WDFY3: variants seen among roughly 807,000 people sequenced by gnomAD.
WDFY3 encodes WD repeat and FYVE domain containing 3.
In WDFY3, 66 loss-of-function variants were observed where a neutral mutation model predicts 409.6. That is an observed-to-expected ratio of 0.16 (90% CI 0.13 to 0.20). WDFY3 has a LOEUF of 0.20. Ranked by LOEUF, WDFY3 falls within the 10% of genes least tolerant of loss-of-function variation. WDFY3 has a pLI of 1.00. For synonymous variants in WDFY3, 1,521 were observed against 1,537.1 expected (o/e 0.99, Z 0.25); for missense variants, 3,031 against 4,298.1 (o/e 0.71, Z 8.24).
intron 64 of WDFY3, among the ~76,000 whole-genome samples, chr4:84,681,153 C>T (rs1727282200): frequency 6.6e-6 from 1 of 152,170 alleles, no homozygotes; most frequent in Admixed American, 6.5e-5. Context: ...ACCACTTCTA[C>T]ATTGTTCAAT....
intron 4 of WDFY3, among the ~76,000 whole-genome samples, chr4:84,854,336 G>A (rs1230170634): frequency 6.6e-6 from 1 of 152,152 alleles, no homozygotes; most frequent in Non-Finnish European, 1.5e-5. Context: ...AGGTTGGAGG[G>A]ATAGAGGAAC....
At chr4:84,956,833 C>A (rs1774295234) in intron 1 of WDFY3, among the ~76,000 whole-genome samples, 1 of 152,058 alleles carries the variant, frequency 6.6e-6, no homozygotes, top group Non-Finnish European at 1.5e-5. Context: ...ACCTCCAAGC[C>A]TTGAGCTTGC....
chr4:84,827,112 C>A, intron 9 of WDFY3, 131 bp from the exon 10 acceptor site: 3 of 879,982 alleles, frequency 3.4e-6, no homozygotes, highest in South Asian at 2.2e-5. Flanking sequence ...TGAAAGAACA[C>A]TGGGGTCATT....
At chr4:84,860,380 C>A in intron 4 of WDFY3, 32 bp downstream of exon 4, 1 of 1,590,726 alleles carries the variant, frequency 6.3e-7, no homozygotes, top group South Asian at 1.1e-5. Context: ...CCCCCAGTCC[C>A]GGAAGGTGTG....
chr4:84,798,167 C>T, intron 17 of WDFY3, 59 bp from the exon 18 acceptor site: 1 of 1,367,538 alleles, frequency 7.3e-7, no homozygotes, highest in Non-Finnish European at 1.0e-6. Context: ...AATTCATTAA[C>T]CAAATATTCA....
At chr4:84,908,119 A>G (rs185648452) in intron 2 of WDFY3, among the ~76,000 whole-genome samples, 53 of 152,316 alleles carry the variant, frequency 3.5e-4, no homozygotes, top group African/African-American at 1.3e-3. Context: ...GGAGACACTG[A>G]GAATTTCAAT....
rs752749403 is a variant in WDFY3 at position 84,696,120 on chromosome 4, A to G, written c.8751T>C (p.Tyr2917=). ...CTACTGCAGCAGGGCCTTGCTGTTT[A>G]TAACCGAAGATTAAGTCAATCCACT... is the stretch of plus-strand genomic sequence containing the variant. ...LHEWIDLIFG[Y]KQQGPAAVEA... The change falls in exon 58 of 68, where the codon TAT becomes TAC. Residue 2917 remains tyrosine (Y), a synonymous_variant. Coordinates refer to ENST00000295888, the MANE Select transcript of WDFY3 (RefSeq NM_014991.6). The G allele has an allele frequency of 6.2e-7, 1 of 1,614,154 alleles. No homozygotes were observed. Among genetic ancestry groups the G allele is most frequent in the South Asian group, 1.1e-5 (1 of 91,084 alleles).
intron 55 of WDFY3, among the ~76,000 whole-genome samples, chr4:84,703,657 G>A (rs1001806780): frequency 6.6e-6 from 1 of 152,158 alleles, no homozygotes; most frequent in African/African-American, 2.4e-5. Context: ...ATCTCCAGAT[G>A]TCTGCAGAAG....
intron 6 of WDFY3, among the ~76,000 whole-genome samples, chr4:84,839,724 G>A (rs1757069568): frequency 6.6e-6 from 1 of 152,054 alleles, no homozygotes; most frequent in Non-Finnish European, 1.5e-5. Context: ...TGGGTGTGGT[G>A]GCGCGCGCCT....
At position 84,831,185 on chromosome 4, in the gene WDFY3, CAAAAAAAA is replaced by C. The variant is rs56810528; in HGVS notation, c.769+220_769+227del. 3.9e-5 allele frequency among the ~76,000 whole-genome samples: 4 copies of C among 103,322 alleles called. No individual in the cohort carries two copies. The South Asian group carries it at 8.9e-4, about 23-fold the overall frequency. The allele number at this position is 103,322 out of a possible 152,430, so 67.8% of individuals were successfully genotyped here. On this transcript the variant is annotated intron_variant, in intron 8 of 67. Coordinates refer to ENST00000295888, the MANE Select transcript of WDFY3 (RefSeq NM_014991.6). ...CTGGGCGACAGAGTGAGACTCCATC[CAAAAAAAA>C]AAAAAAAAAGAAATATCTATTGTTC...
intron 25 of WDFY3, 76 bp downstream of exon 25, chr4:84,782,887 C>A (rs974977605): frequency 2.3e-6 from 3 of 1,309,442 alleles, no homozygotes. Context: ...TAAATACTGC[C>A]CCTTAAGTGA....
At chr4:84,796,432 A>G (rs1328797440) in intron 19 of WDFY3, 89 bp downstream of exon 19, 1 of 737,200 alleles carries the variant, frequency 1.4e-6, no homozygotes, top group Non-Finnish European at 2.0e-6. Context: ...ATATATTTTA[A>G]TTAAGTATAT....
intron 3 of WDFY3, among the ~76,000 whole-genome samples, chr4:84,872,464 CAA>C (rs374854529): frequency 2.2e-4 from 20 of 91,246 alleles, no homozygotes; most frequent in Non-Finnish European, 2.7e-4. Context: ...GACTCTGTCT[CAA>C]AAAAAAAAAA....
chr4:84,841,978 T>G lies in WDFY3; in HGVS notation c.305-715A>C, dbSNP rs926737157. ...GAGGAATAACTTGAGTAGCTCAGAG[T>G]AGGAAGAGAGAAACGTGAAATACAT... On this transcript the variant is annotated intron_variant, in intron 5 of 67. Transcript: ENST00000295888. Among the ~76,000 whole-genome samples, 5 of 151,844 alleles carry G rather than the reference T, an allele frequency of 3.3e-5. 1 individual carries two copies. Among genetic ancestry groups the G allele is most frequent in the Admixed American group, 3.3e-4 (5 of 15,236 alleles).
At chr4:84,724,388 A>C in intron 46 of WDFY3, 38 bp downstream of exon 46, 1 of 1,566,588 alleles carries the variant, frequency 6.4e-7, no homozygotes, top group Non-Finnish European at 8.6e-7. Context: ...AGAATGTTCC[A>C]AAATCACTTT....
chr4:84,930,343 T>C (rs1230275868), intron 2 of WDFY3, among the ~76,000 whole-genome samples: 1 of 152,154 alleles, frequency 6.6e-6, no homozygotes, highest in Non-Finnish European at 1.5e-5. Flanking sequence ...ACCTCTGCAG[T>C]CATATAATCT....
At chr4:84,785,711 G>C (rs2149513665) in intron 24 of WDFY3, among the ~76,000 whole-genome samples, 1 of 152,224 alleles carries the variant, frequency 6.6e-6, no homozygotes, top group Admixed American at 6.5e-5. Flanking sequence ...GTTTTCATTA[G>C]TTTTCTAAAG....
At chr4:84,875,250 C>T (rs1762616567) in intron 3 of WDFY3, among the ~76,000 whole-genome samples, 1 of 139,198 alleles carries the variant, frequency 7.2e-6, no homozygotes, top group South Asian at 2.4e-4. Flanking sequence ...CCTGGGGTAC[C>T]GAGCAAGACT....
At chr4:84,868,171 CAAAAAAAAAAAAAAAAAAA>C (rs70943375) in intron 3 of WDFY3, among the ~76,000 whole-genome samples, 7 of 38,442 alleles carry the variant, frequency 1.8e-4, no homozygotes, top group South Asian at 2.2e-3. Context: ...GACTCTGTCT[CAAAAAAAAAAAAAAAAAAA>C]AAAAAAAAAA....
Sources: gnomAD v4.1 joint callset for allele counts (sites outside exome capture counted in the v4.1 genomes callset) on GRCh38, gnomAD v4.1.1 for gene constraint, MANE v1.5 for transcripts, NCBI Gene and HGNC (gene_info 2026-07-23, HGNC 2026-07-21) for gene names.